CTIF: variants seen among roughly 807,000 people sequenced by gnomAD.
CTIF encodes cap binding complex dependent translation initiation factor, also known as CBP80/20-dependent translation initiation factor.
CTIF carries 21 observed loss-of-function variants against 66.0 expected under a neutral mutation model. That is an observed-to-expected ratio of 0.32 (90% confidence interval 0.23 to 0.46). The LOEUF (loss-of-function observed/expected upper bound fraction) is 0.46. Ranked by LOEUF, CTIF falls within the 20% of genes least tolerant of loss-of-function variation. The probability of loss-of-function intolerance (pLI) is 1.00; values close to 1 mark genes in which losing one functional copy is unlikely to be tolerated. For synonymous variants in CTIF, 345 were observed against 326.4 expected (o/e 1.06, Z -0.62); for missense variants, 739 against 812.7 (o/e 0.91, Z 1.10).
intron 6 of CTIF, among the ~76,000 whole-genome samples, chr18:48,680,132 G>A (rs1472458257): frequency 2.0e-5 from 3 of 152,202 alleles, no homozygotes; most frequent in Non-Finnish European, 1.5e-5. Flanking sequence ...AGACCAAGAG[G>A]GAGTTCCCAG....
chr18:48,745,815 G>T (rs1033959095), intron 7 of CTIF, among the ~76,000 whole-genome samples: 1 of 152,192 alleles, frequency 6.6e-6, no homozygotes, highest in African/African-American at 2.4e-5. Context: ...GCTGGGCTGG[G>T]GGTTCCACTA....
chr18:48,613,711 G>A (rs1026065718), intron 1 of CTIF, among the ~76,000 whole-genome samples: 1 of 152,178 alleles, frequency 6.6e-6, no homozygotes, highest in African/African-American at 2.4e-5. Flanking sequence ...AAGAGAGCCT[G>A]CATGCATCCC....
chr18:48,825,182 C>T (rs2068558636), intron 10 of CTIF, among the ~76,000 whole-genome samples: 1 of 152,144 alleles, frequency 6.6e-6, no homozygotes, highest in South Asian at 2.1e-4. Flanking sequence ...TCTGTACCCA[C>T]CTCCTGATCC....
At chr18:48,834,469 T>G (rs751489999) in intron 10 of CTIF, among the ~76,000 whole-genome samples, 1 of 152,250 alleles carries the variant, frequency 6.6e-6, no homozygotes, top group Non-Finnish European at 1.5e-5. Flanking sequence ...AGTTCGCCCC[T>G]CCCTGATCCC....
intron 3 of CTIF, among the ~76,000 whole-genome samples, chr18:48,644,141 T>C (rs299728): frequency 0.71 from 108,344 of 152,030 alleles, 39,693 homozygotes; most frequent in East Asian, 0.86. Flanking sequence ...CTAAATATCC[T>C]CTTTCCTGCA....
chr18:48,789,736 C>A (rs2067751585), intron 9 of CTIF, among the ~76,000 whole-genome samples: 1 of 152,200 alleles, frequency 6.6e-6, no homozygotes, highest in African/African-American at 2.4e-5. Context: ...GAAACTCAAA[C>A]CTACAATATC....
intron 3 of CTIF, among the ~76,000 whole-genome samples, chr18:48,656,835 G>A (rs868825503): frequency 1.4e-4 from 21 of 152,316 alleles, no homozygotes; most frequent in Middle Eastern, 6.8e-3. Context: ...TGTCAGGGCT[G>A]GAGAGGATGC....
At chr18:48,711,917 T>G (rs886084313) in intron 7 of CTIF, among the ~76,000 whole-genome samples, 1 of 152,122 alleles carries the variant, frequency 6.6e-6, no homozygotes, top group South Asian at 2.1e-4. Context: ...CTTCAGGCGT[T>G]TGGCTGAGAG....
At position 48,848,645 on chromosome 18, in the gene CTIF, C is replaced by T. The variant is rs569517923; in HGVS notation, c.1528-8943C>T. On this transcript the variant is annotated intron_variant, in intron 10 of 11. Coordinates refer to ENST00000256413, the MANE Select transcript of CTIF (RefSeq NM_014772.3). ...CTGCCCCATGAGTTCTCAGCACCCC[C>T]TTTCCCTCCCTGCAGGGTGGCATCC... Among the ~76,000 whole-genome samples, 5 of 152,330 alleles carry T rather than the reference C, an allele frequency of 3.3e-5. No individual in the cohort carries two copies. In the South Asian group the frequency reaches 1.0e-3, roughly 32 times the overall value.
At chr18:48,710,114 C>A (rs962014209) in intron 6 of CTIF, among the ~76,000 whole-genome samples, 5 of 152,234 alleles carry the variant, frequency 3.3e-5, no homozygotes, top group African/African-American at 1.2e-4. Context: ...GGCTGAGCCC[C>A]GTGAAGGCAA....
At chr18:48,544,132 A>G (rs1379682728) in intron 1 of CTIF, among the ~76,000 whole-genome samples, 2 of 152,232 alleles carry the variant, frequency 1.3e-5, no homozygotes, top group African/African-American at 4.8e-5. Context: ...AACTGACTCA[A>G]GTAAGGACAA....
At chr18:48,635,222 G>A (rs2144611224) in intron 2 of CTIF, among the ~76,000 whole-genome samples, 1 of 152,214 alleles carries the variant, frequency 6.6e-6, no homozygotes, top group Non-Finnish European at 1.5e-5. Flanking sequence ...AGAAAGCCAG[G>A]ACTGCACTGG....
At chr18:48,789,724 T>C (rs974118980) in intron 9 of CTIF, among the ~76,000 whole-genome samples, 15 of 152,144 alleles carry the variant, frequency 9.9e-5, no homozygotes, top group African/African-American at 2.2e-4. Context: ...AAAATATATA[T>C]GGAAACTCAA....
intron 10 of CTIF, among the ~76,000 whole-genome samples, chr18:48,829,145 C>T (rs2068640890): frequency 6.6e-6 from 1 of 152,130 alleles, no homozygotes; most frequent in African/African-American, 2.4e-5. Flanking sequence ...AGAATCGTAC[C>T]TTGCCAGAGT....
intron 2 of CTIF, among the ~76,000 whole-genome samples, chr18:48,621,059 G>T (rs1041271110): frequency 6.6e-6 from 1 of 152,124 alleles, no homozygotes; most frequent in Non-Finnish European, 1.5e-5. Context: ...TAATTTGTTT[G>T]TTATTCAATC....
At chr18:48,808,735 C>T (rs1363114255) in intron 9 of CTIF, among the ~76,000 whole-genome samples, 1 of 152,182 alleles carries the variant, frequency 6.6e-6, no homozygotes, top group Non-Finnish European at 1.5e-5. Flanking sequence ...TCTAGGCTAT[C>T]TGATCTAGCT....
At position 48,626,653 on chromosome 18, in the gene CTIF, T is replaced by TTG. The variant is rs1458605065; in HGVS notation, c.180+6909_180+6910insGT. 7.9e-3 allele frequency among the ~76,000 whole-genome samples: 1,033 copies of TTG among 130,538 alleles called. 10 individuals carry two copies. The highest frequency in any genetic ancestry group is 0.032 in the African/African-American group (954 of 29,862). The allele number at this position is 130,538 out of a possible 152,430, so 85.6% of individuals were successfully genotyped here. Reference sequence around the variant, plus strand: ...AGCCACCGCACCTGGCCGTTTTTTTTTTGTTTTTTTTTTTTTTTTGAGACA... The same window carrying TTG: ...AGCCACCGCACCTGGCCGTTTTTTTTTGTTGTTTTTTTTTTTTTTTTGAGACA... On this transcript the variant is annotated intron_variant, in intron 2 of 11. Transcript: ENST00000256413.
At chr18:48,709,039 C>G (rs1002433098) in intron 6 of CTIF, among the ~76,000 whole-genome samples, 1 of 152,196 alleles carries the variant, frequency 6.6e-6, no homozygotes, top group Non-Finnish European at 1.5e-5. Flanking sequence ...TACTATGTAC[C>G]AAGCATTATC....
intron 6 of CTIF, among the ~76,000 whole-genome samples, chr18:48,685,030 A>ATT (rs35327726): frequency 0.15 from 20,342 of 133,446 alleles, 1,506 homozygotes; most frequent in South Asian, 0.18. Flanking sequence ...GTTTGTTTGT[A>ATT]TTTTTTTTTT....
Sources: allele counts gnomAD v4.1 joint callset (sites outside exome capture counted in the v4.1 genomes callset), GRCh38; gene constraint gnomAD v4.1.1; transcripts MANE v1.5; gene names NCBI Gene and HGNC (gene_info 2026-07-23, HGNC 2026-07-21).